FBXL13: variants seen among roughly 807,000 people sequenced by gnomAD.
FBXL13 encodes F-box and leucine rich repeat protein 13.
FBXL13 carries 67 observed loss-of-function variants against 83.6 expected under a neutral mutation model. The observed-to-expected ratio is 0.80, with a 90% CI of 0.66 to 0.98. The LOEUF is 0.98. FBXL13 is among the 50% of genes least tolerant of loss of function. The pLI, the probability that FBXL13 is intolerant of heterozygous loss-of-function variation, is 0.00. For missense variants in FBXL13, 822 were observed against 866.5 expected (o/e 0.95, Z 0.64); for synonymous variants, 272 against 299.5 (o/e 0.91, Z 0.95).
intron 14 of FBXL13, among the ~76,000 whole-genome samples, chr7:102,879,897 G>A (rs769849335): frequency 1.2e-4 from 18 of 151,992 alleles, no homozygotes; most frequent in Non-Finnish European, 2.2e-4. Flanking sequence ...TAGTAGAGAC[G>A]GGGTTTCACC....
At chr7:102,852,124 A>G (rs1483095177) in intron 17 of FBXL13, among the ~76,000 whole-genome samples, 1 of 152,150 alleles carries the variant, frequency 6.6e-6, no homozygotes, top group African/African-American at 2.4e-5. Flanking sequence ...ATCGCTCTCC[A>G]TGTAAAATAT....
chr7:102,842,555 A>T (rs1584563090), intron 17 of FBXL13, among the ~76,000 whole-genome samples: 2 of 152,370 alleles, frequency 1.3e-5, no homozygotes, highest in African/African-American at 4.8e-5. Context: ...TAGTGATTCA[A>T]ACTAAGTATT....
Position 102,925,387 on chromosome 7 carries a change from C to A in FBXL13, c.878+887G>T, listed in dbSNP as rs182908518. ...TGCAGCCTGGGTGACAGAGTAAGACCCTGTTTGAAAACAAACTAAAAAGAA... is the reference window on the plus strand; with the variant it reads ...TGCAGCCTGGGTGACAGAGTAAGACACTGTTTGAAAACAAACTAAAAAGAA... On this transcript the variant is annotated intron_variant, in intron 10 of 19. Transcript: ENST00000313221. Among the ~76,000 whole-genome samples the A allele has an allele frequency of 3.9e-5, 6 of 152,056 alleles. No individual in the cohort carries two copies. In the East Asian group the frequency reaches 1.2e-3, roughly 30 times the overall value.
intron 6 of FBXL13, among the ~76,000 whole-genome samples, chr7:102,996,482 G>A (rs1010544634): frequency 1.3e-5 from 2 of 152,080 alleles, no homozygotes; most frequent in African/African-American, 4.8e-5. Flanking sequence ...CATCTTTTCT[G>A]GCAAGGAAAA....
At chr7:102,971,173 T>G (rs1271401839) in intron 6 of FBXL13, among the ~76,000 whole-genome samples, 1 of 152,028 alleles carries the variant, frequency 6.6e-6, no homozygotes, top group Non-Finnish European at 1.5e-5. Flanking sequence ...ACAGGAAAAT[T>G]TTTCAGGCAA....
chr7:102,831,176 A>G (rs560998284), intron 18 of FBXL13, among the ~76,000 whole-genome samples: 1 of 152,304 alleles, frequency 6.6e-6, no homozygotes, highest in Admixed American at 6.5e-5. Flanking sequence ...TCAGTTGGAA[A>G]AAGTGCTTGA....
chr7:102,906,088 C>T (rs1163683659), intron 11 of FBXL13, among the ~76,000 whole-genome samples: 3 of 152,002 alleles, frequency 2.0e-5, no homozygotes, highest in South Asian at 2.1e-4. Flanking sequence ...GATGCAAAAG[C>T]GGAAGCCCCT....
intron 11 of FBXL13, among the ~76,000 whole-genome samples, chr7:102,894,744 AAGAGAG>A (rs545771189): frequency 6.6e-6 from 1 of 150,680 alleles, no homozygotes; most frequent in African/African-American, 2.5e-5. Flanking sequence ...AAAAAAAAAA[AAGAGAG>A]AGAGAGAGAG....
At chr7:103,016,107 T>C (rs1471258679) in intron 6 of FBXL13, among the ~76,000 whole-genome samples, 1 of 152,192 alleles carries the variant, frequency 6.6e-6, no homozygotes, top group Non-Finnish European at 1.5e-5. Flanking sequence ...ACAGATTCAA[T>C]GCTATTCTTA....
chr7:103,043,016 C>A (rs2129493079), intron 2 of FBXL13, among the ~76,000 whole-genome samples: 1 of 152,282 alleles, frequency 6.6e-6, no homozygotes, highest in Admixed American at 6.5e-5. Flanking sequence ...AAGAAACTAT[C>A]ATCAGAGTGA....
chr7:102,866,786 A>G (rs1158634693), intron 16 of FBXL13, among the ~76,000 whole-genome samples: 3 of 152,218 alleles, frequency 2.0e-5, no homozygotes, highest in Non-Finnish European at 4.4e-5. Flanking sequence ...GTTAAGAGGA[A>G]GGAAATGGTG....
At chr7:103,059,650 C>A (rs1018725132) in intron 1 of FBXL13, among the ~76,000 whole-genome samples, 1 of 152,100 alleles carries the variant, frequency 6.6e-6, no homozygotes, top group Admixed American at 6.5e-5. Flanking sequence ...AAAGCAATTA[C>A]GTAATCCTCA....
intron 8 of FBXL13, among the ~76,000 whole-genome samples, chr7:102,941,340 C>G (rs900195332): frequency 1.3e-5 from 2 of 152,146 alleles, no homozygotes; most frequent in African/African-American, 4.8e-5. Context: ...AGTGGAGACC[C>G]TTTCTTGCAA....
At chr7:102,920,853 A>G (rs560864055) in intron 10 of FBXL13, among the ~76,000 whole-genome samples, 7 of 152,234 alleles carry the variant, frequency 4.6e-5, no homozygotes, top group African/African-American at 1.2e-4. Flanking sequence ...AACTATGTTG[A>G]TAACAGTTAA....
intron 6 of FBXL13, among the ~76,000 whole-genome samples, chr7:102,977,569 T>A (rs75325942): frequency 6.6e-6 from 1 of 152,214 alleles, no homozygotes; most frequent in Non-Finnish European, 1.5e-5. Context: ...GTAATCTTCA[T>A]CATTGGGCTC....
chr7:103,025,192 A>G (rs1793765944), exon 6 of FBXL13: 1 of 1,581,848 alleles, frequency 6.3e-7, no homozygotes, highest in Admixed American at 1.8e-5. Context: ...GTATTAACCT[A>G]TTTTTCCATT....
intron 16 of FBXL13, among the ~76,000 whole-genome samples, chr7:102,871,606 T>G (rs1018349267): frequency 2.0e-5 from 3 of 151,936 alleles, no homozygotes; most frequent in Non-Finnish European, 4.4e-5. Context: ...TTGGCCAAGC[T>G]GCTCTTGAAC....
intron 6 of FBXL13, among the ~76,000 whole-genome samples, chr7:102,994,501 G>T (rs929352815): frequency 1.3e-5 from 2 of 151,954 alleles, no homozygotes; most frequent in Non-Finnish European, 2.9e-5. Flanking sequence ...CAGTTTTGTA[G>T]TTGTCTGACT....
chr7:103,027,728 T>C (rs913695093), intron 4 of FBXL13, among the ~76,000 whole-genome samples, 170 bp from the exon 6 acceptor site: 1 of 152,210 alleles, frequency 6.6e-6, no homozygotes, highest in Admixed American at 6.5e-5. Context: ...ATTAGTACTC[T>C]CAAGACTTTA....
Sources: gnomAD v4.1 joint callset for allele counts (sites outside exome capture counted in the v4.1 genomes callset) on GRCh38, gnomAD v4.1.1 for gene constraint, MANE v1.5 for transcripts, NCBI Gene and HGNC (gene_info 2026-07-23, HGNC 2026-07-21) for gene names.